MCPH1: variants seen among roughly 807,000 people sequenced by gnomAD.
MCPH1 encodes microcephalin 1.
MCPH1 carries 104 observed loss-of-function variants against 84.5 expected under a neutral mutation model. The ratio of observed to expected loss-of-function variants is 1.23; its 90% CI spans 1.05 to 1.45. The LOEUF is 1.45. Among genes scored for constraint, MCPH1 ranks in the 40% most tolerant of loss-of-function variants. The pLI is 0.00. For synonymous variants in MCPH1, 514 were observed against 366.8 expected (o/e 1.40, Z -4.58); for missense variants, 1,498 against 1,005.7 (o/e 1.49, Z -6.62).
At chr8:6,499,788 C>T (rs1293541862) in intron 11 of MCPH1, 64 bp from the exon 12 acceptor site, 5 of 1,456,802 alleles carry the variant, frequency 3.4e-6, no homozygotes, top group Non-Finnish European at 4.8e-6. Context: ...CAAAGTGATT[C>T]TTGGTTTATT....
intron 12 of MCPH1, among the ~76,000 whole-genome samples, chr8:6,587,162 A>G (rs1168061775): frequency 6.6e-6 from 1 of 152,108 alleles, no homozygotes; most frequent in Admixed American, 6.5e-5. Context: ...TATAGACCAG[A>G]AGGGTGTCTG....
intron 11 of MCPH1, among the ~76,000 whole-genome samples, chr8:6,495,992 G>A (rs1161378710): frequency 1.3e-5 from 2 of 152,134 alleles, no homozygotes; most frequent in Non-Finnish European, 2.9e-5. Context: ...ATTTTTCCAG[G>A]GACTTGGGGG....
chr8:6,462,253 A>G (rs73661749), intron 9 of MCPH1, among the ~76,000 whole-genome samples: 1,829 of 152,352 alleles, frequency 0.012, 40 homozygotes, highest in African/African-American at 0.042. Context: ...AATAGCTTGC[A>G]TATGCTGATA....
At chr8:6,437,714 G>A (rs1034777109) in intron 5 of MCPH1, among the ~76,000 whole-genome samples, 6 of 152,128 alleles carry the variant, frequency 3.9e-5, no homozygotes, top group Admixed American at 2.6e-4. Flanking sequence ...CTTCGTCAAA[G>A]CTCAAGCCAG....
chr8:6,453,719 A>G (rs1488756565), intron 8 of MCPH1, among the ~76,000 whole-genome samples: 1 of 152,220 alleles, frequency 6.6e-6, no homozygotes, highest in Non-Finnish European at 1.5e-5. Context: ...ATTATTTTTA[A>G]TCTTAAAGAC....
intron 13 of MCPH1, among the ~76,000 whole-genome samples, chr8:6,630,844 G>C (rs1337035590): frequency 6.9e-6 from 1 of 144,544 alleles, no homozygotes; most frequent in Non-Finnish European, 1.5e-5. Context: ...ATTTTAAAAA[G>C]TAACAATTTG....
intron 12 of MCPH1, among the ~76,000 whole-genome samples, chr8:6,529,841 C>G (rs185696644): frequency 1.3e-4 from 20 of 150,924 alleles, no homozygotes; most frequent in Admixed American, 4.6e-4. Context: ...TCTTATTTTC[C>G]TGTTATCCTG....
rs1041534388 is a variant in MCPH1 at position 6,645,824 on chromosome 8, G to A, written c.*2775G>A. 6.6e-6 allele frequency: 1 copy of A among 152,122 alleles called. No individual in the cohort carries two copies. The highest frequency in any genetic ancestry group is 2.4e-5 in the African/African-American group (1 of 41,428). The allele number at this position is 152,122 out of a possible 1,614,324, so 9.4% of individuals were successfully genotyped here. A position where few individuals can be genotyped will look rare whatever the true frequency, so the allele number is the denominator to read the frequency against. On this transcript the variant is annotated 3_prime_UTR_variant, in exon 14 of 14. Transcript: ENST00000344683. ...AATAGGAATAGACTTGGCAACAGTT[G>A]TAACATCTGTATACTGAAACCTGTA...
At chr8:6,561,415 A>G (rs934942155) in intron 12 of MCPH1, among the ~76,000 whole-genome samples, 4 of 152,250 alleles carry the variant, frequency 2.6e-5, no homozygotes, top group African/African-American at 9.6e-5. Flanking sequence ...ATAATAACTT[A>G]GTCGTTTCCT....
intron 12 of MCPH1, chr8:6,508,978 T>G: frequency 6.2e-7 from 1 of 1,614,198 alleles, no homozygotes; most frequent in Non-Finnish European, 8.5e-7. Flanking sequence ...TGTCGTTGTC[T>G]CCATCCTTTG....
chr8:6,463,042 G>A (rs989054945), intron 9 of MCPH1, among the ~76,000 whole-genome samples: 1 of 152,198 alleles, frequency 6.6e-6, no homozygotes. Context: ...TGGACTTACT[G>A]ACCACAGGCA....
At chr8:6,551,461 C>T (rs574916368) in intron 12 of MCPH1, among the ~76,000 whole-genome samples, 16 of 152,268 alleles carry the variant, frequency 1.1e-4, no homozygotes, top group Admixed American at 5.9e-4. Flanking sequence ...TTTGTTATTA[C>T]CCAGAAGGGA....
chr8:6,480,852 C>G lies in MCPH1; in HGVS notation c.2112C>G (p.Gly704=). ...ATGTGCTGCTGGGAATTGCGCGTGG[C>G]TGCTGGGTTCTCTCTTATGATTGGG... is the stretch of plus-strand genomic sequence containing the variant. The part of the protein sequence containing the change: ...TLNVLLGIAR[G]CWVLSYDWVL... Residue 704 remains glycine (G), a synonymous_variant, in exon 11 of 14, where the codon GGC becomes GGG. Transcript: ENST00000344683. The G allele has an allele frequency of 1.2e-6, 2 of 1,614,174 alleles. No homozygotes were observed. The highest frequency in any genetic ancestry group is 1.7e-6 in the Non-Finnish European group (2 of 1,180,042).
At chr8:6,622,109 T>C (rs1447531132) in intron 13 of MCPH1, 1 of 318,946 alleles carries the variant, frequency 3.1e-6, no homozygotes, top group Admixed American at 3.9e-5. Context: ...TGTCATCTCC[T>C]CTCCCAGGTA....
At chr8:6,469,189 A>G (rs992431475) in intron 9 of MCPH1, among the ~76,000 whole-genome samples, 1 of 152,320 alleles carries the variant, frequency 6.6e-6, no homozygotes, top group Non-Finnish European at 1.5e-5. Context: ...AAAATAAACA[A>G]AAAAGAAACT....
intron 3 of MCPH1, among the ~76,000 whole-genome samples, chr8:6,424,894 A>G (rs1252802170): frequency 6.6e-6 from 1 of 152,186 alleles, no homozygotes; most frequent in Non-Finnish European, 1.5e-5. Context: ...TGGAATCTTC[A>G]AGGAGATGCC....
intron 9 of MCPH1, among the ~76,000 whole-genome samples, chr8:6,457,189 T>C (rs1417498080): frequency 1.3e-5 from 2 of 152,366 alleles, no homozygotes; most frequent in Non-Finnish European, 2.9e-5. Flanking sequence ...CTTTTAAAAA[T>C]ATTTTAAGAG....
At chr8:6,641,637 G>A (rs985119588) in intron 13 of MCPH1, among the ~76,000 whole-genome samples, 2 of 152,130 alleles carry the variant, frequency 1.3e-5, no homozygotes, top group Non-Finnish European at 2.9e-5. Context: ...CCGGCTACCT[G>A]GGAAGCTGAG....
chr8:6,613,875 A>G (rs1003106248), intron 12 of MCPH1, among the ~76,000 whole-genome samples: 2 of 152,110 alleles, frequency 1.3e-5, no homozygotes, highest in Non-Finnish European at 2.9e-5. Context: ...AGAAGACTTG[A>G]TGCAGAGTTT....
Sources: gnomAD v4.1 joint callset for allele counts (sites outside exome capture counted in the v4.1 genomes callset) on GRCh38, gnomAD v4.1.1 for gene constraint, MANE v1.5 for transcripts, NCBI Gene and HGNC (gene_info 2026-07-23, HGNC 2026-07-21) for gene names.